ABCA6: variants seen among roughly 807,000 people sequenced by gnomAD.
ABCA6 encodes the protein ATP binding cassette subfamily A member 6.
Under a neutral mutation model 191.2 loss-of-function variants are expected in ABCA6, and 164 were observed. That is an observed-to-expected ratio of 0.86 (90% CI 0.76 to 0.98). The LOEUF (loss-of-function observed/expected upper bound fraction) is 0.98, where lower values mean the gene tolerates loss of function less well. Ranked by LOEUF, ABCA6 falls within the 50% of genes least tolerant of loss-of-function variation. The pLI, the probability that ABCA6 is intolerant of heterozygous loss-of-function variation, is 0.00. For synonymous variants in ABCA6, 636 were observed against 647.7 expected (o/e 0.98, Z 0.27); for missense variants, 1,958 against 1,894.1 (o/e 1.03, Z -0.63).
intron 2 of ABCA6, among the ~76,000 whole-genome samples, chr17:69,139,403 T>C (rs1359957761): frequency 6.6e-6 from 1 of 152,122 alleles, no homozygotes. Context: ...TGAGATACCA[T>C]CTCACACCAG....
intron 23 of ABCA6, among the ~76,000 whole-genome samples, chr17:69,097,647 T>G (rs1020674093): frequency 6.6e-6 from 1 of 152,184 alleles, no homozygotes; most frequent in African/African-American, 2.4e-5. Flanking sequence ...GGAAATAATG[T>G]GGTCAAAAGA....
intron 6 of ABCA6, 145 bp downstream of exon 6, chr17:69,133,496 A>C (rs2073899421): frequency 3.1e-6 from 2 of 645,378 alleles, no homozygotes; most frequent in Non-Finnish European, 5.2e-6. Context: ...GGCAAAATTT[A>C]ACAGACTAAG....
chr17:69,096,702 G>A lies in ABCA6; in HGVS notation c.3220C>T (p.Leu1074Phe), dbSNP rs764830640. ...VDVSFFILIL[L>F]LMYLIFYIEN... ...ATGTAGAAAATTAAATACATTAAAA[G>A]GAGAATTAAAATGAAGAAGCTGACG... Residue 1074 changes from leucine to phenylalanine, a missense_variant, in exon 24 of 39, where the codon CTT becomes TTT. By Grantham distance (22) the Leu-to-Phe change is conservative. Transcript: ENST00000284425. The A allele has an allele frequency of 1.9e-6, 3 of 1,587,668 alleles. No homozygotes were observed. The highest frequency in any genetic ancestry group is 1.7e-6 in the Non-Finnish European group (2 of 1,169,474).
chr17:69,130,758 A>G (rs1293071327), intron 6 of ABCA6, among the ~76,000 whole-genome samples: 1 of 152,092 alleles, frequency 6.6e-6, no homozygotes, highest in Non-Finnish European at 1.5e-5. Context: ...CAATCAAGTA[A>G]CTCTATAAAC....
At position 69,086,676 on chromosome 17, in the gene ABCA6, G is replaced by A. The variant is rs762505075; in HGVS notation, c.3879C>T (p.Cys1293=). ...HKEYAGQKKS[C]FSKRKKKIAA... ...CTATTTTCTTCTTCCTCTTTGAAAAGCAACTTTTCTTCTGGCCTGCATATT... is the reference window on the plus strand; with the variant it reads ...CTATTTTCTTCTTCCTCTTTGAAAAACAACTTTTCTTCTGGCCTGCATATT... Residue 1293 remains cysteine (C), a synonymous_variant, in exon 30 of 39, where the codon TGC becomes TGT. Transcript: ENST00000284425. The A allele has an allele frequency of 6.8e-6, 11 of 1,612,928 alleles. No individual in the cohort carries two copies. Among genetic ancestry groups the A allele is most frequent in the Non-Finnish European group, 9.3e-6 (11 of 1,179,434 alleles).
At chr17:69,124,440 G>T (rs2144696320) in intron 9 of ABCA6, among the ~76,000 whole-genome samples, 1 of 151,980 alleles carries the variant, frequency 6.6e-6, no homozygotes, top group East Asian at 1.9e-4. Context: ...CTGTAAATAT[G>T]AACAATATAT....
chr17:69,140,460 A>G (rs1245541526), intron 2 of ABCA6, 148 bp downstream of exon 2: 2 of 416,050 alleles, frequency 4.8e-6, no homozygotes, highest in African/African-American at 4.1e-5. Context: ...GTTATTCTTC[A>G]GTCTCTCAAT....
intron 6 of ABCA6, 61 bp from the exon 7 acceptor site, chr17:69,129,812 T>A (rs754385418): frequency 4.5e-4 from 573 of 1,264,700 alleles, no homozygotes; most frequent in Non-Finnish European, 5.5e-4. Flanking sequence ...ATTTAATATA[T>A]ACAAAAGCAT....
At chr17:69,098,280 A>G (rs1248185048) in intron 22 of ABCA6, 9 of 394,028 alleles carry the variant, frequency 2.3e-5, no homozygotes, top group Non-Finnish European at 4.0e-5. Context: ...TCGAAGAGAT[A>G]CCCTCACATT....
chr17:69,080,761 C>T (rs1373065514), intron 37 of ABCA6, among the ~76,000 whole-genome samples: 5 of 152,102 alleles, frequency 3.3e-5, no homozygotes, highest in Admixed American at 3.3e-4. Context: ...GGATTATATA[C>T]ATGTAGGCAA....
chr17:69,111,833 C>G (rs2073429319), intron 16 of ABCA6: 1 of 175,012 alleles, frequency 5.7e-6, no homozygotes, highest in Non-Finnish European at 1.2e-5. Flanking sequence ...TGCCTTTTTG[C>G]CCTATGAAAG....
Position 69,124,986 on chromosome 17 carries a change from G to A in ABCA6, c.1169C>T (p.Ser390Leu). The A allele has an allele frequency of 1.3e-6, 2 of 1,518,048 alleles. No individual in the cohort carries two copies. The highest frequency in any genetic ancestry group is 1.4e-5 in the African/African-American group (1 of 71,748). 94.0% of individuals were successfully genotyped at this position (1,518,048 alleles called of 1,614,324 possible). The change falls in exon 9 of 39, where the codon TCA becomes TTA. Residue 390 changes from serine to leucine, a missense_variant. Transcript: ENST00000284425. Reference sequence around the variant, plus strand: ...TGCTATCATTGTATATGAGTCTCCTGAAGGGTCAGGAAAAATTACACCATT... The same window carrying A: ...TGCTATCATTGTATATGAGTCTCCTAAAGGGTCAGGAAAAATTACACCATT... ...NLNGVIFPDP[S>L]GDSYTMIATF...
intron 6 of ABCA6, among the ~76,000 whole-genome samples, chr17:69,131,632 T>C (rs189327338): frequency 6.6e-6 from 1 of 152,346 alleles, no homozygotes; most frequent in Admixed American, 6.5e-5. Flanking sequence ...AAATTTCACA[T>C]TTATTACATT....
In ABCA6 at chr17:69,084,273, T is replaced by G. The variant is rs1270784792; in HGVS notation, c.4343A>C (p.Gln1448Pro). 1 of 1,614,154 alleles carries G rather than the reference T, an allele frequency of 6.2e-7. No individual in the cohort carries two copies. Among genetic ancestry groups the G allele is most frequent in the Non-Finnish European group, 8.5e-7 (1 of 1,179,976 alleles). The change falls in exon 34 of 39, where the codon CAG becomes CCG. Residue 1448 changes from glutamine to proline, a missense_variant. Physicochemically the swap from Gln to Pro is moderately conservative, Grantham distance 76. Coordinates refer to ENST00000284425, the MANE Select transcript of ABCA6 (RefSeq NM_080284.3). ...TAATGATGCTCACCACATTTGCTGC[T>G]GCCCTGTGGGGTCTATGCCCGTAGA... is the stretch of plus-strand genomic sequence containing the variant. ...EPSTGIDPTG[Q>P]QQMWQAIQAV...
In ABCA6 at chr17:69,124,890, G is replaced by A. The variant is rs145757597; in HGVS notation, c.1265C>T (p.Pro422Leu). The change falls in exon 9 of 39, where the codon CCC becomes CTC. Residue 422 changes from proline (P) to leucine (L), a missense_variant and splice_region_variant. Pro to Leu is a moderately conservative substitution (Grantham distance 98, BLOSUM62 -3). Coordinates refer to ENST00000284425, the MANE Select transcript of ABCA6 (RefSeq NM_080284.3). ...LLALYFDKILPYGDERHYSPL... is the reference protein window; with the variant it reads ...LLALYFDKILLYGDERHYSPL... ...GAGAAAAACTCACTATTACTTACAG[G>A]GTAAAATTTTGTCAAAGTATAATGC... The A allele has an allele frequency of 3.4e-5, 53 of 1,550,898 alleles. No homozygotes were observed. The highest frequency in any genetic ancestry group is 4.4e-5 in the Non-Finnish European group (51 of 1,149,190).
chr17:69,141,396 G>T (rs919143670), intron 1 of ABCA6, among the ~76,000 whole-genome samples: 1 of 151,940 alleles, frequency 6.6e-6, no homozygotes, highest in Non-Finnish European at 1.5e-5. Context: ...AGCTTTAAAA[G>T]AAGCAAAAAT....
intron 12 of ABCA6, 65 bp from the exon 13 acceptor site, chr17:69,115,002 A>C: frequency 5.7e-6 from 7 of 1,229,330 alleles, no homozygotes; most frequent in Non-Finnish European, 6.7e-6. Flanking sequence ...CATAGATCTC[A>C]TTTAAGAAAA....
chr17:69,122,632 A>G (rs1026815276), intron 10 of ABCA6, among the ~76,000 whole-genome samples: 6 of 152,020 alleles, frequency 3.9e-5, no homozygotes, highest in African/African-American at 1.2e-4. Context: ...ACTTCTTCCA[A>G]CTTATCATAT....
chr17:69,135,879 C>T, intron 4 of ABCA6: 1 of 541,414 alleles, frequency 1.8e-6, no homozygotes, highest in East Asian at 3.0e-5. Context: ...CATGCATCTG[C>T]ATGCTCAACA....
Sources: gnomAD v4.1 joint callset for allele counts (sites outside exome capture counted in the v4.1 genomes callset) on GRCh38, gnomAD v4.1.1 for gene constraint, MANE v1.5 for transcripts, NCBI Gene and HGNC (gene_info 2026-07-23, HGNC 2026-07-21) for gene names.